Variants in RASGRF1 observed in about 807,000 individuals in gnomAD.
RASGRF1 encodes the protein ras-specific guanine nucleotide-releasing factor 1.
Under a neutral mutation model 138.7 loss-of-function variants are expected in RASGRF1, and 40 were observed. That is an observed-to-expected ratio of 0.29 (90% CI 0.22 to 0.38). The LOEUF is 0.38. RASGRF1 is among the 10% of genes least tolerant of loss of function. The pLI is 1.00. For missense variants in RASGRF1, 1,108 were observed against 1,650.4 expected, an observed-to-expected ratio of 0.67 and a Z score of 5.69; for synonymous variants, 614 against 663.2, an observed-to-expected ratio of 0.93 and a Z score of 1.14.
Position 78,960,990 on chromosome 15 carries a change from A to G in RASGRF1, c.*1154T>C, listed in dbSNP as rs1018819400. On this transcript the variant is annotated 3_prime_UTR_variant, in exon 27 of 27. Coordinates refer to ENST00000558480, the MANE Select transcript of RASGRF1 (RefSeq NM_001145648.3). Reference sequence around the variant, plus strand: ...CAAAAATGGAAATTTTTTTCCAAACAAGCTGTAAGTTGAAATATTTTAGGA... The same window carrying G: ...CAAAAATGGAAATTTTTTTCCAAACGAGCTGTAAGTTGAAATATTTTAGGA... The G allele has an allele frequency of 5.3e-5, 8 of 152,232 alleles. No homozygotes were observed. The highest frequency in any genetic ancestry group is 1.9e-4 in the African/African-American group (8 of 41,460). 9.4% of individuals were successfully genotyped at this position (152,232 alleles called of 1,614,324 possible).
chr15:79,023,525 C>T (rs1044615864), intron 10 of RASGRF1, among the ~76,000 whole-genome samples: 28 of 152,182 alleles, frequency 1.8e-4, no homozygotes, highest in Admixed American at 2.6e-4. Flanking sequence ...GGCTTTACAG[C>T]AGAGGTAGCA....
chr15:79,057,145 G>A (rs182966047), intron 3 of RASGRF1, among the ~76,000 whole-genome samples: 2 of 152,304 alleles, frequency 1.3e-5, no homozygotes, highest in African/African-American at 4.8e-5. Context: ...CCAACCCTCA[G>A]CAGATGCCTG....
At chr15:79,031,886 G>T (rs1001415766) in intron 7 of RASGRF1, among the ~76,000 whole-genome samples, 1 of 152,130 alleles carries the variant, frequency 6.6e-6, no homozygotes, top group African/African-American at 2.4e-5. Flanking sequence ...CTAGGGCTCT[G>T]CTCTGGCTGA....
chr15:79,056,822 G>A (rs1260778226), intron 3 of RASGRF1, among the ~76,000 whole-genome samples: 1 of 152,214 alleles, frequency 6.6e-6, no homozygotes, highest in Non-Finnish European at 1.5e-5. Context: ...GGATTCGCAG[G>A]TGTGATGGGG....
chr15:79,051,918 G>C (rs987087873), intron 3 of RASGRF1, among the ~76,000 whole-genome samples: 3 of 152,122 alleles, frequency 2.0e-5, no homozygotes, highest in Non-Finnish European at 4.4e-5. Flanking sequence ...AGGCCTAAAG[G>C]GCTCATGGAG....
At chr15:79,020,587 C>T (rs1342719600) in intron 10 of RASGRF1, among the ~76,000 whole-genome samples, 3 of 152,212 alleles carry the variant, frequency 2.0e-5, no homozygotes, top group Non-Finnish European at 4.4e-5. Flanking sequence ...ATGTCTTGTT[C>T]AAGGTCCGCT....
At chr15:79,037,876 G>C (rs2057244054) in intron 5 of RASGRF1, among the ~76,000 whole-genome samples, 1 of 151,902 alleles carries the variant, frequency 6.6e-6, no homozygotes. Flanking sequence ...CCATCTGGGG[G>C]TAATGGGAGA....
chr15:79,037,606 G>A (rs550854009), intron 5 of RASGRF1, among the ~76,000 whole-genome samples: 6 of 151,728 alleles, frequency 4.0e-5, no homozygotes, highest in South Asian at 2.1e-4. Context: ...TTACAGGTGC[G>A]CCCCAGCATG....
chr15:79,064,998 C>T (rs977349983), intron 1 of RASGRF1, among the ~76,000 whole-genome samples: 24 of 152,218 alleles, frequency 1.6e-4, no homozygotes, highest in African/African-American at 5.1e-4. Context: ...CTGAAAGCCA[C>T]CTCTGTGTTG....
At chr15:78,982,458 G>C (rs986953763) in intron 23 of RASGRF1, among the ~76,000 whole-genome samples, 1 of 152,150 alleles carries the variant, frequency 6.6e-6, no homozygotes, top group African/African-American at 2.4e-5. Flanking sequence ...TAAAAAGTAT[G>C]TTCCAAGTTG....
At chr15:79,084,351 C>T (rs1039039352) in intron 1 of RASGRF1, among the ~76,000 whole-genome samples, 1 of 152,230 alleles carries the variant, frequency 6.6e-6, no homozygotes, top group Non-Finnish European at 1.5e-5. Context: ...AGTGCTGGCT[C>T]GTTGCTCTTG....
intron 8 of RASGRF1, among the ~76,000 whole-genome samples, chr15:79,030,263 T>C (rs4778812): frequency 0.8 from 121,254 of 151,980 alleles, 48,625 homozygotes; most frequent in Admixed American, 0.86. Flanking sequence ...GGCAGTGCCC[T>C]GGGTAGGGCC....
chr15:79,015,156 C>A (rs953481962), intron 13 of RASGRF1, among the ~76,000 whole-genome samples, 171 bp downstream of exon 13: 1 of 151,832 alleles, frequency 6.6e-6, no homozygotes, highest in Non-Finnish European at 1.5e-5. Flanking sequence ...ATCCAAATAG[C>A]AATCACCCAA....
chr15:78,983,593 CAG>C (rs1567447645), intron 23 of RASGRF1, among the ~76,000 whole-genome samples: 1 of 152,226 alleles, frequency 6.6e-6, no homozygotes, highest in Non-Finnish European at 1.5e-5. Flanking sequence ...TTCCCAAGAA[CAG>C]GGGAGAAGGA....
intron 5 of RASGRF1, among the ~76,000 whole-genome samples, chr15:79,042,160 C>A (rs2057305191): frequency 6.6e-6 from 1 of 152,216 alleles, no homozygotes; most frequent in Non-Finnish European, 1.5e-5. Context: ...TAACACCCTC[C>A]CCAGCTCTGC....
At chr15:79,028,515 C>T (rs745629913) in intron 8 of RASGRF1, among the ~76,000 whole-genome samples, 3 of 152,048 alleles carry the variant, frequency 2.0e-5, no homozygotes, top group Non-Finnish European at 4.4e-5. Context: ...TTTCGCTCTC[C>T]GACTGCTGTA....
At chr15:79,031,552 G>A in intron 7 of RASGRF1, 43 bp from the exon 8 acceptor site, 1 of 1,327,578 alleles carries the variant, frequency 7.5e-7, no homozygotes. Flanking sequence ...AAGAGCCAGG[G>A]AAGTATGGCC....
intron 3 of RASGRF1, among the ~76,000 whole-genome samples, chr15:79,054,398 G>T (rs1184642531): frequency 1.3e-5 from 2 of 152,234 alleles, no homozygotes; most frequent in African/African-American, 4.8e-5. Flanking sequence ...ACAACAGCCT[G>T]TGTCGTGGGT....
At chr15:79,086,498 G>A (rs887346978) in intron 1 of RASGRF1, among the ~76,000 whole-genome samples, 1 of 152,166 alleles carries the variant, frequency 6.6e-6, no homozygotes, top group East Asian at 1.9e-4. Flanking sequence ...AATGTGTCCT[G>A]TGCATGAGGA....
Sources: gnomAD v4.1 joint callset for allele counts (sites outside exome capture counted in the v4.1 genomes callset) on GRCh38, gnomAD v4.1.1 for gene constraint, MANE v1.5 for transcripts, NCBI Gene and HGNC (gene_info 2026-07-23, HGNC 2026-07-21) for gene names.